The following NKIRAS1 variants were observed in gnomAD, a reference collection of about 807,000 sequenced individuals.
NKIRAS1 encodes NF-kappa-B inhibitor-interacting Ras-like protein 1.
In NKIRAS1, 16 loss-of-function variants were observed where a neutral mutation model predicts 19.8. The ratio of observed to expected loss-of-function variants is 0.81; its 90% confidence interval spans 0.55 to 1.23. The LOEUF (loss-of-function observed/expected upper bound fraction) is 1.23. Among genes scored for constraint, NKIRAS1 ranks in the 50% most tolerant of loss-of-function variants. The pLI, the probability that NKIRAS1 is intolerant of heterozygous loss-of-function variation, is 0.00. For synonymous variants in NKIRAS1, 88 were observed against 79.0 expected (o/e 1.11, Z -0.61); for missense variants, 184 against 220.0 (o/e 0.84, Z 1.04).
At position 23,890,425 on chromosome 3, in the gene NKIRAS1, G is replaced by GT. The variant is rs1448858085; in HGVS notation, c.*2669dup. 7.7e-7 allele frequency: 1 copy of GT among 1,298,196 alleles called. No individual in the cohort carries two copies. The highest frequency in any genetic ancestry group is 2.4e-5 in the East Asian group (1 of 41,588). 80.4% of individuals were successfully genotyped at this position (1,298,196 alleles called of 1,614,324 possible). A position where few individuals can be genotyped will look rare whatever the true frequency, so the allele number is the denominator to read the frequency against. ...TTTGATCACACATACTTTGTCGTAC[G>GT]TATCTACCCAAGCTGTCACTATTCG... On this transcript the variant is annotated 3_prime_UTR_variant, in exon 5 of 5. Coordinates refer to ENST00000425478, the MANE Select transcript of NKIRAS1 (RefSeq NM_020345.4).
chr3:23,929,180 G>A (rs1705264140), intron 1 of NKIRAS1, among the ~76,000 whole-genome samples: 1 of 151,720 alleles, frequency 6.6e-6, no homozygotes, highest in African/African-American at 2.4e-5. Context: ...CGGTCAACGT[G>A]GTAAAACCTC....
At chr3:23,933,166 G>C (rs1705344425) in intron 1 of NKIRAS1, among the ~76,000 whole-genome samples, 1 of 152,168 alleles carries the variant, frequency 6.6e-6, no homozygotes, top group African/African-American at 2.4e-5. Context: ...TGTGTTAAGT[G>C]CTAAGTTTGT....
intron 1 of NKIRAS1, chr3:23,923,878 ACTCTT>A (rs1294168211): frequency 6.6e-6 from 1 of 152,082 alleles, no homozygotes; most frequent in African/African-American, 2.4e-5. Flanking sequence ...GGGAAATGAT[ACTCTT>A]CTCTACTTTT....
intron 1 of NKIRAS1, among the ~76,000 whole-genome samples, chr3:23,933,472 C>T (rs2125267818): frequency 6.6e-6 from 1 of 152,296 alleles, no homozygotes; most frequent in Non-Finnish European, 1.5e-5. Context: ...AGGGATGCTG[C>T]CAAACATACT....
In NKIRAS1 at chr3:23,910,807, T is replaced by C; in HGVS notation, c.94+4A>G. ...AGAGACAAACTAGAGAAAAACAATC[T>C]TACCAATAGTATGATTTCCATAAAG... is the stretch of plus-strand genomic sequence containing the variant. On this transcript the variant is annotated splice_donor_region_variant and intron_variant, in intron 3 of 4. Coordinates refer to ENST00000425478, the MANE Select transcript of NKIRAS1 (RefSeq NM_020345.4). The C allele has an allele frequency of 1.9e-6, 3 of 1,602,242 alleles. No individual in the cohort carries two copies. Among genetic ancestry groups the C allele is most frequent in the Non-Finnish European group, 2.6e-6 (3 of 1,169,260 alleles).
chr3:23,913,462 C>T (rs1290026807), intron 1 of NKIRAS1, among the ~76,000 whole-genome samples: 1 of 152,048 alleles, frequency 6.6e-6, no homozygotes, highest in Non-Finnish European at 1.5e-5. Context: ...GGAAACAATA[C>T]CACTACATAA....
intron 1 of NKIRAS1, among the ~76,000 whole-genome samples, chr3:23,925,115 G>C (rs1705189288): frequency 6.6e-6 from 1 of 152,184 alleles, no homozygotes; most frequent in Non-Finnish European, 1.5e-5. Context: ...ATATCTTCCA[G>C]TGCTTGGAAG....
At chr3:23,920,750 A>C (rs967890584), upstream of NKIRAS1, 4 of 975,360 alleles carry the variant, frequency 4.1e-6, no homozygotes, top group African/African-American at 7.0e-5. Flanking sequence ...TTGAGACCTA[A>C]ATTTCTTCAC....
chr3:23,908,222 G>A (rs531841700), intron 3 of NKIRAS1, among the ~76,000 whole-genome samples: 72 of 152,238 alleles, frequency 4.7e-4, no homozygotes, highest in African/African-American at 1.7e-3. Flanking sequence ...TGGGTAAAAA[G>A]ATCCATTTAA....
chr3:23,940,167 CCAAAAAA>C (rs1448684237), intron 1 of NKIRAS1, among the ~76,000 whole-genome samples: 83 of 28,902 alleles, frequency 2.9e-3, no homozygotes, highest in African/African-American at 8.8e-3. Context: ...CCCATCTCTA[CCAAAAAA>C]AAAAAAAAAA....
At chr3:23,934,722 C>A (rs1705364498) in intron 1 of NKIRAS1, among the ~76,000 whole-genome samples, 1 of 152,220 alleles carries the variant, frequency 6.6e-6, no homozygotes, top group East Asian at 1.9e-4. Flanking sequence ...CAAGAATTAA[C>A]ACTAACCACA....
Position 23,901,130 on chromosome 3 carries a change from C to G in NKIRAS1, c.95-81G>C, listed in dbSNP as rs1372495073. On this transcript the variant is annotated intron_variant, in intron 3 of 4. Transcript: ENST00000425478. ...TATTTTCTTGTCCTTTAGAAATTGGCTTTCTAGGTTTCTTATTTACCACAT... is the reference window on the plus strand; with the variant it reads ...TATTTTCTTGTCCTTTAGAAATTGGGTTTCTAGGTTTCTTATTTACCACAT... The G allele has an allele frequency of 2.8e-6, 4 of 1,453,516 alleles. No individual in the cohort carries two copies. The Admixed American group carries it at 6.6e-5, about 24-fold the overall frequency. 90.0% of individuals were successfully genotyped at this position (1,453,516 alleles called of 1,614,324 possible).
chr3:23,932,995 G>A (rs1182066797), intron 1 of NKIRAS1, among the ~76,000 whole-genome samples: 3 of 152,114 alleles, frequency 2.0e-5, no homozygotes, highest in Non-Finnish European at 4.4e-5. Context: ...TTGCAAATCA[G>A]CTGACTTTGA....
At chr3:23,946,220 C>T (rs1018976733) in intron 1 of NKIRAS1, 18 of 985,318 alleles carry the variant, frequency 1.8e-5, no homozygotes, top group Non-Finnish European at 2.0e-5. Flanking sequence ...GCTGACACCG[C>T]AGTGCACCGG....
chr3:23,918,948 T>G (rs934934669), upstream of NKIRAS1: 1 of 550,422 alleles, frequency 1.8e-6, no homozygotes, highest in Non-Finnish European at 3.2e-6. Context: ...GATATTAACA[T>G]ATTCCTGCCC....
At chr3:23,924,702 C>T (rs1173775639) in intron 1 of NKIRAS1, among the ~76,000 whole-genome samples, 1 of 152,126 alleles carries the variant, frequency 6.6e-6, no homozygotes, top group Non-Finnish European at 1.5e-5. Flanking sequence ...AAGCCTGGCC[C>T]TGCTCATAAG....
At chr3:23,923,128 T>G (rs993699700) in intron 1 of NKIRAS1, 1 of 152,068 alleles carries the variant, frequency 6.6e-6, no homozygotes, top group Non-Finnish European at 1.5e-5. Context: ...TTCCTTTTCT[T>G]CCCCAAGTGG....
At chr3:23,906,158 C>CAAAAA (rs377092022) in intron 3 of NKIRAS1, among the ~76,000 whole-genome samples, 4 of 98,810 alleles carry the variant, frequency 4.0e-5, no homozygotes, top group Non-Finnish European at 7.6e-5. Flanking sequence ...GACTCCGTCT[C>CAAAAA]AAAAAAAAAA....
upstream of NKIRAS1, chr3:23,919,744 C>T (rs1704968020): frequency 3.1e-6 from 4 of 1,295,110 alleles, no homozygotes; most frequent in East Asian, 9.3e-5. Flanking sequence ...GTGTATAAAA[C>T]ATACTGTGTG....
Sources: allele counts gnomAD v4.1 joint callset (sites outside exome capture counted in the v4.1 genomes callset), GRCh38; gene constraint gnomAD v4.1.1; transcripts MANE v1.5; gene names NCBI Gene and HGNC (gene_info 2026-07-23, HGNC 2026-07-21).